The following TENM3 variants were observed in gnomAD, a reference collection of about 807,000 sequenced individuals.
The protein encoded by TENM3 is teneurin transmembrane protein 3.
A neutral mutation model predicts 255.1 loss-of-function variants in TENM3; 63 were observed. The ratio of observed to expected loss-of-function variants is 0.25; its 90% CI spans 0.20 to 0.30. The LOEUF (loss-of-function observed/expected upper bound fraction) is 0.30. TENM3 is among the 10% of genes least tolerant of loss of function. The pLI is 1.00. For missense variants in TENM3, 2,929 were observed against 3,461.1 expected (o/e 0.85, Z 3.86); for synonymous variants, 1,306 against 1,322.3 (o/e 0.99, Z 0.27).
the TENM3 span, among the ~76,000 whole-genome samples, chr4:181,643,075 A>T: frequency 6.6e-6 from 1 of 151,938 alleles, no homozygotes; most frequent in African/African-American, 2.4e-5. Context: ...GATAGCATTG[A>T]CTCCATAAAT....
chr4:181,912,097 A>G, the TENM3 span, among the ~76,000 whole-genome samples: 2 of 152,226 alleles, frequency 1.3e-5, no homozygotes, highest in Non-Finnish European at 2.9e-5. Context: ...GGGGTGGGCC[A>G]GGGCCACAAA....
chr4:182,622,450 G>T (rs1452049394), intron 4 of TENM3, among the ~76,000 whole-genome samples: 1 of 152,192 alleles, frequency 6.6e-6, no homozygotes, highest in African/African-American at 2.4e-5. Context: ...TTAAACAGAG[G>T]TGTCTGATTT....
At chr4:182,013,676 C>G in the TENM3 span, among the ~76,000 whole-genome samples, 7 of 152,100 alleles carry the variant, frequency 4.6e-5, no homozygotes, top group African/African-American at 1.7e-4. Context: ...TCTGTGGGAT[C>G]AGCTTCTCCA....
the TENM3 span, among the ~76,000 whole-genome samples, chr4:181,519,426 A>C: frequency 6.6e-6 from 1 of 151,602 alleles, no homozygotes; most frequent in East Asian, 1.9e-4. Flanking sequence ...TTTGACACTA[A>C]AAGTCTTTTT....
At chr4:181,726,981 G>A in the TENM3 span, among the ~76,000 whole-genome samples, 1 of 152,198 alleles carries the variant, frequency 6.6e-6, no homozygotes, top group African/African-American at 2.4e-5. Flanking sequence ...GATGCAGATG[G>A]AGAGATGCAT....
At chr4:182,422,928 G>A (rs943970864) in intron 3 of TENM3, among the ~76,000 whole-genome samples, 1 of 152,130 alleles carries the variant, frequency 6.6e-6, no homozygotes, top group Non-Finnish European at 1.5e-5. Context: ...CGGAGCTCAC[G>A]GAGCTCGTAG....
At chr4:181,845,900 G>C in the TENM3 span, among the ~76,000 whole-genome samples, 2 of 152,180 alleles carry the variant, frequency 1.3e-5, no homozygotes, top group Non-Finnish European at 2.9e-5. Context: ...TCAGTGGCTT[G>C]AGCCTCTTAT....
chr4:182,791,653 TATA>T (rs968068154), intron 25 of TENM3, among the ~76,000 whole-genome samples: 2 of 152,218 alleles, frequency 1.3e-5, no homozygotes, highest in African/African-American at 2.4e-5. Flanking sequence ...TATGTGTATA[TATA>T]ATATTTCTAT....
At chr4:181,605,452 A>AAGAGAG in the TENM3 span, among the ~76,000 whole-genome samples, 174 of 100,550 alleles carry the variant, frequency 1.7e-3, 7 homozygotes, top group African/African-American at 6.8e-3. Flanking sequence ...AAAAGAAAGA[A>AAGAGAG]AGAGAGAGAG....
chr4:181,951,261 C>T, the TENM3 span, among the ~76,000 whole-genome samples: 1 of 152,176 alleles, frequency 6.6e-6, no homozygotes, highest in African/African-American at 2.4e-5. Flanking sequence ...GTTCATTGAA[C>T]AAAAACTTGC....
At chr4:182,151,493 A>C (rs1047615854) in intron 1 of TENM3, among the ~76,000 whole-genome samples, 2 of 152,100 alleles carry the variant, frequency 1.3e-5, no homozygotes, top group African/African-American at 4.8e-5. Flanking sequence ...TCTTTTAAAT[A>C]GCTCTTAAGA....
At chr4:182,191,676 A>G (rs910642214) in intron 1 of TENM3, among the ~76,000 whole-genome samples, 3 of 152,128 alleles carry the variant, frequency 2.0e-5, no homozygotes, top group Non-Finnish European at 4.4e-5. Flanking sequence ...TGTTGAAATC[A>G]CCATGGACTC....
intron 3 of TENM3, among the ~76,000 whole-genome samples, chr4:182,497,689 G>T (rs528949617): frequency 2.0e-5 from 3 of 151,832 alleles, no homozygotes; most frequent in Non-Finnish European, 1.5e-5. Context: ...TTATGCTTCC[G>T]ATACAATTAG....
chr4:181,862,575 CA>C, the TENM3 span, among the ~76,000 whole-genome samples: 1 of 151,926 alleles, frequency 6.6e-6, no homozygotes, highest in Non-Finnish European at 1.5e-5. Context: ...AGAAGCAAGA[CA>C]AAAAGGGAGC....
chr4:182,793,354 C>T lies in TENM3; in HGVS notation c.6682C>T (p.Arg2228Cys), dbSNP rs184165622. 4,823 of 1,613,682 alleles carry T rather than the reference C, an allele frequency of 3.0e-3. 11 individuals are homozygous for T. The highest frequency in any genetic ancestry group is 3.8e-3 in the Non-Finnish European group (4,514 of 1,179,698). Residue 2228 changes from arginine (R) to cysteine (C), a missense_variant, in exon 26 of 28, where the codon CGT (arginine) becomes TGT (cysteine). This residue lies in a region of TENM3 where 256 missense variants were observed against 389.3 expected (regional missense o/e 0.66). Transcript: ENST00000511685. This position sits in a 1 kb window ranked among gnomAD's most constrained non-coding sequence, Gnocchi z 5.7. ...SKGSGWTVIYRYDGLGRRVSS... is the reference protein window; with the variant it reads ...SKGSGWTVIYCYDGLGRRVSS... ...AGGCAGTGGCTGGACAGTGATCTAC[C>T]GTTATGACGGCCTGGGAAGGCGTGT... is the stretch of plus-strand genomic sequence containing the variant.
intron 1 of TENM3, among the ~76,000 whole-genome samples, chr4:182,161,598 T>C (rs1213640215): frequency 1.5e-4 from 15 of 102,988 alleles, no homozygotes; most frequent in African/African-American, 4.7e-4. Flanking sequence ...AATATATATA[T>C]ACATATATAT....
chr4:181,927,851 C>T, the TENM3 span, among the ~76,000 whole-genome samples: 2 of 152,212 alleles, frequency 1.3e-5, no homozygotes, highest in African/African-American at 4.8e-5. Flanking sequence ...TTCTTTGCTG[C>T]TCTGCAGCCT....
intron 3 of TENM3, among the ~76,000 whole-genome samples, chr4:182,580,686 A>G (rs17258305): frequency 0.1 from 15,818 of 152,284 alleles, 1,046 homozygotes; most frequent in Non-Finnish European, 0.14. Flanking sequence ...GGCAGGTATC[A>G]TAGCCCCTTT....
intron 1 of TENM3, among the ~76,000 whole-genome samples, chr4:182,156,810 A>C (rs62352026): frequency 1.3e-5 from 2 of 151,912 alleles, no homozygotes; most frequent in African/African-American, 2.4e-5. Context: ...AATTCACTCA[A>C]ATCCAGCCCC....
Sources: gnomAD v4.1 joint callset for allele counts (sites outside exome capture counted in the v4.1 genomes callset) on GRCh38, gnomAD v4.1.1 for gene constraint, gnomAD v4.1.1 regional missense constraint, Gnocchi (gnomAD v3.1) non-coding constraint, MANE v1.5 for transcripts, NCBI Gene and HGNC (gene_info 2026-07-23, HGNC 2026-07-21) for gene names.